LAX1: variants seen among roughly 807,000 people sequenced by gnomAD.
LAX1 encodes lymphocyte transmembrane adaptor 1, also known as lymphocyte transmembrane adapter 1.
Under a neutral mutation model 20.7 loss-of-function variants are expected in LAX1, and 17 were observed. That is an observed-to-expected ratio of 0.82 (90% CI 0.56 to 1.23). The LOEUF (loss-of-function observed/expected upper bound fraction) is 1.23. Among genes scored for constraint, LAX1 ranks in the 50% most tolerant of loss-of-function variants. LAX1 has a pLI of 0.00. For missense variants in LAX1, 470 were observed against 487.0 expected (o/e 0.97, Z 0.33); for synonymous variants, 165 against 181.0 (o/e 0.91, Z 0.71).
At position 203,770,469 on chromosome 1, in the gene LAX1, GGAAGGA is replaced by G. The variant is rs1558070724; in HGVS notation, c.90-358_90-353del. On this transcript the variant is annotated intron_variant, in intron 1 of 4. Transcript: ENST00000442561. ...AGAGAGAGAGAAAGGAAGGAAGGAA[GGAAGGA>G]AGGAAGGAAGGAAGGAAGGAAGGAA... 2.9e-3 allele frequency among the ~76,000 whole-genome samples: 53 copies of G among 18,290 alleles called. 3 individuals carry two copies. The highest frequency in any genetic ancestry group is 4.7e-3 in the African/African-American group (38 of 8,092). The allele number at this position is 18,290 out of a possible 152,430, so 12.0% of individuals were successfully genotyped here.
At chr1:203,773,689 C>G (rs1022436170) in intron 4 of LAX1, among the ~76,000 whole-genome samples, 186 bp from the exon 5 acceptor site, 1 of 150,626 alleles carries the variant, frequency 6.6e-6, no homozygotes, top group African/African-American at 2.4e-5. Context: ...ACCCCCCCAC[C>G]AATTGATTCC....
chr1:203,771,312 T>A (rs1667417081), intron 2 of LAX1, 55 bp from the exon 3 acceptor site: 3 of 1,099,060 alleles, frequency 2.7e-6, no homozygotes, highest in Non-Finnish European at 4.2e-6. Flanking sequence ...ATGAGTCTCT[T>A]CACTCTGTGC....
At chr1:203,770,510 GAAGAAAGAAAGA>G (rs1326354763) in intron 1 of LAX1, among the ~76,000 whole-genome samples, 182 of 16,908 alleles carry the variant, frequency 0.011, 5 homozygotes, top group African/African-American at 0.031. Flanking sequence ...AGGAAGGAAG[GAAGAAAGAAAGA>G]AAGAAAGAAA....
chr1:203,771,717 C>T (rs1302377569), intron 3 of LAX1, among the ~76,000 whole-genome samples: 1 of 152,044 alleles, frequency 6.6e-6, no homozygotes, highest in East Asian at 1.9e-4. Flanking sequence ...AATGTTAAGG[C>T]AACAGAAGAA....
At chr1:203,765,865 G>A (rs563735785) in intron 1 of LAX1, among the ~76,000 whole-genome samples, 1 of 152,296 alleles carries the variant, frequency 6.6e-6, no homozygotes, top group Non-Finnish European at 1.5e-5. Context: ...TATTGTGGTA[G>A]AGGAAAAACT....
chr1:203,767,251 G>C (rs1667319949), intron 1 of LAX1, among the ~76,000 whole-genome samples: 1 of 145,684 alleles, frequency 6.9e-6, no homozygotes. Flanking sequence ...TGTACCCTTT[G>C]ACCAACATCT....
chr1:203,770,501 G>A (rs1338574091), intron 1 of LAX1, among the ~76,000 whole-genome samples: 37 of 77,982 alleles, frequency 4.7e-4, no homozygotes, highest in Middle Eastern at 6.2e-3. Flanking sequence ...AAGGAAGGAA[G>A]GAAGGAAGGA....
intron 1 of LAX1, 22 bp downstream of exon 1, chr1:203,765,676 G>A: frequency 1.2e-6 from 2 of 1,609,482 alleles, no homozygotes; most frequent in Non-Finnish European, 1.7e-6. Context: ...AGGGTGGTGA[G>A]CTCCACCCTG....
In LAX1 at chr1:203,773,384, G is replaced by A. The variant is rs543335691; in HGVS notation, c.391-491G>A. On this transcript the variant is annotated intron_variant, in intron 4 of 4. Coordinates refer to ENST00000442561, the MANE Select transcript of LAX1 (RefSeq NM_017773.4). ...CGGGAGAATCGATTGAACACGGGAG[G>A]CAGAGATTGCAGTGAGCTGAGATTG... Among the ~76,000 whole-genome samples, 8 of 152,178 alleles carry A rather than the reference G, an allele frequency of 5.3e-5. No homozygotes were observed. The South Asian group carries it at 1.7e-3, about 32-fold the overall frequency.
At chr1:203,770,467 A>AGAG (rs1558070717) in intron 1 of LAX1, among the ~76,000 whole-genome samples, 164 of 12,692 alleles carry the variant, frequency 0.013, 25 homozygotes, top group Middle Eastern at 0.034. Flanking sequence ...GGAAGGAAGG[A>AGAG]AGGAAGGAAG....
At chr1:203,773,640 A>T (rs2102269991) in intron 4 of LAX1, among the ~76,000 whole-genome samples, 1 of 151,532 alleles carries the variant, frequency 6.6e-6, no homozygotes, top group East Asian at 1.9e-4. Flanking sequence ...ACTGCCTCTC[A>T]GTGGGCTCTT....
chr1:203,770,516 A>AGG (rs1667399290), intron 1 of LAX1, among the ~76,000 whole-genome samples: 1 of 125,648 alleles, frequency 8.0e-6, no homozygotes, highest in Admixed American at 9.6e-5. Context: ...GAAGGAAGAA[A>AGG]GAAAGAAAGA....
At chr1:203,772,909 C>T (rs551960867) in intron 4 of LAX1, among the ~76,000 whole-genome samples, 56 of 152,112 alleles carry the variant, frequency 3.7e-4, no homozygotes, top group African/African-American at 1.3e-3. Context: ...CACCTGAGCT[C>T]AAGCAATCTG....
chr1:203,766,887 G>A (rs1049925270), intron 1 of LAX1, among the ~76,000 whole-genome samples: 8 of 151,502 alleles, frequency 5.3e-5, no homozygotes, highest in Non-Finnish European at 8.8e-5. Flanking sequence ...ACAGAGTCTC[G>A]CTCTGTCGCC....
In LAX1 at chr1:203,774,007, A is replaced by T; in HGVS notation, c.523A>T (p.Asn175Tyr). The T allele has an allele frequency of 1.2e-6, 2 of 1,613,960 alleles. No individual in the cohort carries two copies. Among genetic ancestry groups the T allele is most frequent in the Non-Finnish European group, 1.7e-6 (2 of 1,179,982 alleles). The change falls in exon 5 of 5, where the codon AAT (asparagine) becomes TAT (tyrosine). Residue 175 changes from asparagine to tyrosine, a missense_variant. By Grantham distance (143) the Asn-to-Tyr change is moderately radical (BLOSUM62 -2). Coordinates refer to ENST00000442561, the MANE Select transcript of LAX1 (RefSeq NM_017773.4). ...CCTCACTCCCTCGGCACACTGCATC[A>T]ATGTCAGAGCTTCCAGAGACTGCGC... ...GNLTPSAHCI[N>Y]VRASRDCASI... is the part of the protein sequence containing the mutation.
intron 1 of LAX1, among the ~76,000 whole-genome samples, chr1:203,770,498 GAAGGAAGGAAGGAAGAAAGAAAGAAAGA>G (rs1296117097): frequency 2.9e-5 from 1 of 35,022 alleles, no homozygotes; most frequent in African/African-American, 8.5e-5. Flanking sequence ...AGGAAGGAAG[GAAGGAAGGAAGGAAGAAAGAAAGAAAGA>G]AAGAAAGAAA....
chr1:203,766,916 C>T (rs1376941439), intron 1 of LAX1, among the ~76,000 whole-genome samples: 1 of 151,392 alleles, frequency 6.6e-6, no homozygotes, highest in Non-Finnish European at 1.5e-5. Flanking sequence ...AGTGCAGTGG[C>T]GTGATCTCGG....
intron 1 of LAX1, among the ~76,000 whole-genome samples, chr1:203,769,944 G>A (rs1395266308): frequency 6.6e-6 from 1 of 152,292 alleles, no homozygotes; most frequent in East Asian, 1.9e-4. Flanking sequence ...TGACTTTGCA[G>A]GTTTGGAGGA....
chr1:203,768,782 C>A (rs1354369620), intron 1 of LAX1, among the ~76,000 whole-genome samples: 1 of 152,150 alleles, frequency 6.6e-6, no homozygotes, highest in African/African-American at 2.4e-5. Flanking sequence ...AGAGTTAAAG[C>A]AAGGAGACCA....
Sources: gnomAD v4.1 joint callset for allele counts (sites outside exome capture counted in the v4.1 genomes callset) on GRCh38, gnomAD v4.1.1 for gene constraint, MANE v1.5 for transcripts, NCBI Gene and HGNC (gene_info 2026-07-23, HGNC 2026-07-21) for gene names.